The following WBP4 variants were observed in gnomAD, a reference collection of about 807,000 sequenced individuals.
WBP4 encodes WW domain binding protein 4, also known as WW domain-binding protein 4.
In WBP4, 37 loss-of-function variants were observed where a neutral mutation model predicts 55.4. The observed-to-expected ratio is 0.67, with a 90% CI of 0.51 to 0.88. WBP4 has a LOEUF of 0.88. Ranked by LOEUF, WBP4 falls within the 40% of genes least tolerant of loss-of-function variation. The probability of loss-of-function intolerance (pLI) is 0.00; values close to 1 mark genes in which losing one functional copy is unlikely to be tolerated. For missense variants in WBP4, 398 were observed against 420.8 expected, an observed-to-expected ratio of 0.95 and a Z score of 0.47; for synonymous variants, 142 against 140.2, an observed-to-expected ratio of 1.01 and a Z score of -0.09.
chr13:41,071,838 AAAG>A (rs1333408944), intron 6 of WBP4, among the ~76,000 whole-genome samples: 1 of 151,948 alleles, frequency 6.6e-6, no homozygotes, highest in Non-Finnish European at 1.5e-5. Flanking sequence ...GTCAGGAGTT[AAAG>A]ACCAGCCTGG....
At chr13:41,062,561 A>T in intron 1 of WBP4, 83 bp from the exon 2 acceptor site, 1 of 1,306,284 alleles carries the variant, frequency 7.7e-7, no homozygotes, top group Non-Finnish European at 1.1e-6. Flanking sequence ...CATATATTTC[A>T]AACTTTAAAA....
At chr13:41,067,533 AAAATT>A (rs1878026738) in intron 4 of WBP4, among the ~76,000 whole-genome samples, 1 of 152,160 alleles carries the variant, frequency 6.6e-6, no homozygotes, top group Admixed American at 6.5e-5. Context: ...ATAAAAATAA[AAAATT>A]AACTGGGCTT....
At chr13:41,061,743 C>T (rs1877652691) in intron 1 of WBP4, 68 bp downstream of exon 1, 9 of 1,607,416 alleles carry the variant, frequency 5.6e-6, no homozygotes, top group East Asian at 4.5e-5. Context: ...TCGCCCGGGT[C>T]TTCCCCTCCT....
intron 8 of WBP4, among the ~76,000 whole-genome samples, chr13:41,079,394 A>AC (rs568375957): frequency 1.1e-3 from 170 of 152,172 alleles, no homozygotes; most frequent in African/African-American, 3.7e-3. Context: ...ACATGGTGAA[A>AC]CCCCATCTCT....
chr13:41,068,514 A>G (rs1210845374), intron 4 of WBP4, 47 bp from the exon 5 acceptor site: 1 of 1,452,646 alleles, frequency 6.9e-7, no homozygotes, highest in Non-Finnish European at 9.1e-7. Context: ...GCAACCATAA[A>G]AAATAGTAGT....
chr13:41,079,987 C>T (rs369190053), intron 8 of WBP4, among the ~76,000 whole-genome samples: 2 of 147,712 alleles, frequency 1.4e-5, no homozygotes, highest in Non-Finnish European at 3.0e-5. Flanking sequence ...TACATGTTCT[C>T]ACTTATAAGT....
intron 4 of WBP4, among the ~76,000 whole-genome samples, chr13:41,066,587 T>C (rs148154429): frequency 6.6e-6 from 1 of 152,308 alleles, no homozygotes; most frequent in East Asian, 1.9e-4. Flanking sequence ...TAGTTATGAC[T>C]TTTGATTTTT....
At chr13:41,070,699 A>G (rs1271901496) in intron 5 of WBP4, among the ~76,000 whole-genome samples, 2 of 152,152 alleles carry the variant, frequency 1.3e-5, no homozygotes, top group Admixed American at 6.6e-5. Context: ...CTTTAGGAGT[A>G]TATGAGATCG....
chr13:41,062,581 C>G, intron 1 of WBP4, 63 bp from the exon 2 acceptor site: 1 of 1,458,862 alleles, frequency 6.9e-7, no homozygotes, highest in Non-Finnish European at 9.5e-7. Context: ...AACTGTAAAG[C>G]ATGCAGAATT....
At chr13:41,081,580 C>T (rs541140637) in intron 9 of WBP4, among the ~76,000 whole-genome samples, 1 of 150,582 alleles carries the variant, frequency 6.6e-6, no homozygotes, top group South Asian at 2.1e-4. Context: ...CAGCAAAGTA[C>T]ATTTCTATAG....
At chr13:41,069,726 A>C (rs1188565334) in intron 5 of WBP4, among the ~76,000 whole-genome samples, 1 of 150,568 alleles carries the variant, frequency 6.6e-6, no homozygotes, top group African/African-American at 2.4e-5. Flanking sequence ...AAAAAAAAAA[A>C]AAGTAGCCAA....
intron 4 of WBP4, among the ~76,000 whole-genome samples, chr13:41,067,713 T>C (rs1030144793): frequency 6.6e-6 from 1 of 152,212 alleles, no homozygotes; most frequent in Non-Finnish European, 1.5e-5. Context: ...GAATTGTCTT[T>C]GTAATTGTTG....
At chr13:41,064,206 A>G (rs1174823342) in intron 2 of WBP4, among the ~76,000 whole-genome samples, 3 of 152,124 alleles carry the variant, frequency 2.0e-5, no homozygotes, top group African/African-American at 7.2e-5. Context: ...AACAGTATGT[A>G]ACTGGAGCTC....
chr13:41,062,352 A>G, intron 1 of WBP4: 7 of 917,588 alleles, frequency 7.6e-6, no homozygotes, highest in Non-Finnish European at 9.1e-6. Context: ...ATGTTCTTCT[A>G]AGATGTTCCT....
At chr13:41,077,076 T>TA (rs1878526169) in intron 8 of WBP4, among the ~76,000 whole-genome samples, 1 of 152,052 alleles carries the variant, frequency 6.6e-6, no homozygotes, top group African/African-American at 2.4e-5. Context: ...TTCAACAAAA[T>TA]ACTGGCAAAC....
intron 5 of WBP4, among the ~76,000 whole-genome samples, chr13:41,070,027 A>G (rs1024240085): frequency 1.3e-5 from 2 of 152,178 alleles, no homozygotes; most frequent in Non-Finnish European, 2.9e-5. Context: ...TTTATTCTAC[A>G]TTTATGTAGC....
Position 41,083,097 on chromosome 13 carries a change from C to A in WBP4, c.*183C>A. ...TTTATTTTGGTTCCTAAAATGGAAG[C>A]CTACCACATTGCATTGTAATACAGT... On this transcript the variant is annotated 3_prime_UTR_variant, in exon 10 of 10. Coordinates refer to ENST00000379487, the MANE Select transcript of WBP4 (RefSeq NM_007187.5). 1.6e-6 allele frequency: 1 copy of A among 612,912 alleles called. No individual in the cohort carries two copies. The highest frequency in any genetic ancestry group is 2.7e-6 in the Non-Finnish European group (1 of 366,176). 38.0% of individuals were successfully genotyped at this position (612,912 alleles called of 1,614,324 possible).
intron 8 of WBP4, among the ~76,000 whole-genome samples, chr13:41,080,243 T>A (rs572377982): frequency 1.3e-5 from 2 of 152,134 alleles, no homozygotes; most frequent in Non-Finnish European, 2.9e-5. Context: ...GGAAAAAAAT[T>A]ACAAAATACA....
At chr13:41,077,973 C>G (rs1430459091) in intron 8 of WBP4, among the ~76,000 whole-genome samples, 1 of 151,994 alleles carries the variant, frequency 6.6e-6, no homozygotes, top group Non-Finnish European at 1.5e-5. Flanking sequence ...CTACAAAACA[C>G]TGATTAAAGA....
Sources: gnomAD v4.1 joint callset for allele counts (sites outside exome capture counted in the v4.1 genomes callset) on GRCh38, gnomAD v4.1.1 for gene constraint, MANE v1.5 for transcripts, NCBI Gene and HGNC (gene_info 2026-07-23, HGNC 2026-07-21) for gene names.